The following P4HA3 variants were observed in gnomAD, a reference collection of about 807,000 sequenced individuals.
P4HA3 encodes prolyl 4-hydroxylase subunit alpha 3.
A neutral mutation model predicts 66.7 loss-of-function variants in P4HA3; 60 were observed. That is an observed-to-expected ratio of 0.90 (90% confidence interval 0.73 to 1.12). The LOEUF (loss-of-function observed/expected upper bound fraction) is 1.12, where lower values mean the gene tolerates loss of function less well. Among genes scored for constraint, P4HA3 ranks in the 50% most tolerant of loss-of-function variants. P4HA3 has a pLI of 0.00. For synonymous variants in P4HA3, 263 were observed against 274.6 expected, an observed-to-expected ratio of 0.96 and a Z score of 0.42; for missense variants, 683 against 685.8, an observed-to-expected ratio of 1.00 and a Z score of 0.05.
chr11:74,296,752 T>A (rs766205075), intron 4 of P4HA3, among the ~76,000 whole-genome samples: 2 of 152,250 alleles, frequency 1.3e-5, no homozygotes, highest in African/African-American at 4.8e-5. Context: ...TCTTTCAGGG[T>A]AAGCTGCTTT....
intron 1 of P4HA3, among the ~76,000 whole-genome samples, chr11:74,309,105 T>C (rs1336459602): frequency 6.6e-6 from 1 of 152,186 alleles, no homozygotes; most frequent in Non-Finnish European, 1.5e-5. Flanking sequence ...AGGGATAACA[T>C]AGCATAGTAG....
At chr11:74,265,615 T>A (rs1040010837), downstream of P4HA3, among the ~76,000 whole-genome samples, 1 of 152,232 alleles carries the variant, frequency 6.6e-6, no homozygotes, top group African/African-American at 2.4e-5. Context: ...TAGCCCCTGC[T>A]AGACCTACTG....
downstream of P4HA3, among the ~76,000 whole-genome samples, chr11:74,265,069 A>T (rs551042910): frequency 6.6e-6 from 1 of 152,194 alleles, no homozygotes; most frequent in African/African-American, 2.4e-5. Context: ...ATTGACCTCA[A>T]AGGGTTGGAA....
At chr11:74,288,986 T>C (rs1049222139) in intron 5 of P4HA3, 93 bp downstream of exon 5, 8 of 791,942 alleles carry the variant, frequency 1.0e-5, no homozygotes, top group Non-Finnish European at 1.5e-5. Flanking sequence ...GATAGATAGC[T>C]GTATTTCTCT....
intron 2 of P4HA3, 129 bp downstream of exon 2, chr11:74,304,141 T>A: frequency 8.3e-7 from 1 of 1,208,724 alleles, no homozygotes; most frequent in Non-Finnish European, 1.2e-6. Flanking sequence ...TAGCTAGAGC[T>A]AAGGATATTA....
At chr11:74,287,819 C>A (rs1438296448) in intron 5 of P4HA3, among the ~76,000 whole-genome samples, 1 of 152,080 alleles carries the variant, frequency 6.6e-6, no homozygotes, top group East Asian at 1.9e-4. Flanking sequence ...GAGTTTGAGA[C>A]CAGCCTGGCC....
chr11:74,285,941 GGTCTCA>G lies in P4HA3; in HGVS notation c.972_977del (p.Glu325_Thr326del), dbSNP rs749284438. ...GGAGCAGCAGGTAGGCGTTGGAATT[GGTCTCA>G]TAGGAACAGTAGAGGCTAGGGATCT... On this transcript the variant is annotated inframe_deletion, in exon 7 of 13. Transcript: ENST00000331597. 6 of 1,610,922 alleles carry G rather than the reference GGTCTCA, an allele frequency of 3.7e-6. No individual in the cohort carries two copies. The South Asian group carries it at 6.6e-5, about 18-fold the overall frequency.
chr11:74,302,720 G>A, intron 2 of P4HA3, 128 bp from the exon 3 acceptor site: 1 of 853,114 alleles, frequency 1.2e-6, no homozygotes, highest in Non-Finnish European at 1.8e-6. Context: ...TGTGTTCCCA[G>A]AGGCAAGCAC....
intron 7 of P4HA3, among the ~76,000 whole-genome samples, chr11:74,284,857 T>C (rs1860733595): frequency 6.6e-6 from 1 of 152,154 alleles, no homozygotes; most frequent in Non-Finnish European, 1.5e-5. Flanking sequence ...TCCTAGTCAC[T>C]GTCCCTTTCC....
intron 3 of P4HA3, among the ~76,000 whole-genome samples, chr11:74,300,277 C>T (rs1861364747): frequency 6.6e-6 from 1 of 152,242 alleles, no homozygotes; most frequent in South Asian, 2.1e-4. Flanking sequence ...AGGAAATAAT[C>T]CATCATGAGC....
At chr11:74,278,126 C>G (rs1344085992) in intron 8 of P4HA3, among the ~76,000 whole-genome samples, 1 of 152,150 alleles carries the variant, frequency 6.6e-6, no homozygotes, top group African/African-American at 2.4e-5. Context: ...CTGGGAAGCA[C>G]AGAGGAAGGA....
At chr11:74,252,339 C>T (rs1040430321) in intron 15 of P4HA3, 201 of 418,884 alleles carry the variant, frequency 4.8e-4, no homozygotes, top group Admixed American at 7.8e-4. Context: ...CCACCCGCAT[C>T]GGCCTCCTAA....
At chr11:74,255,408 G>A (rs747124514) in intron 15 of P4HA3, among the ~76,000 whole-genome samples, 19 of 152,246 alleles carry the variant, frequency 1.2e-4, no homozygotes, top group South Asian at 2.1e-4. Context: ...CCCCTGGGTG[G>A]TCCTCCACAC....
At chr11:74,273,419 G>A (rs538202691) in intron 10 of P4HA3, 126 bp downstream of exon 10, 23 of 814,328 alleles carry the variant, frequency 2.8e-5, no homozygotes, top group South Asian at 2.4e-4. Context: ...TCTGAAATTC[G>A]CAAAATTCCT....
At chr11:74,308,683 GT>G (rs1023156023) in intron 1 of P4HA3, among the ~76,000 whole-genome samples, 1 of 150,024 alleles carries the variant, frequency 6.7e-6, no homozygotes, top group African/African-American at 2.5e-5. Flanking sequence ...TTTCTGATTT[GT>G]TTTTTTATCT....
intron 3 of P4HA3, among the ~76,000 whole-genome samples, chr11:74,300,520 G>A (rs113654831): frequency 1.4e-4 from 21 of 152,298 alleles, no homozygotes; most frequent in Non-Finnish European, 2.4e-4. Context: ...TCGGGAGGCT[G>A]AGGTGGGAGG....
chr11:74,278,316 G>A (rs551044432), intron 8 of P4HA3, among the ~76,000 whole-genome samples: 64 of 152,282 alleles, frequency 4.2e-4, no homozygotes, highest in Admixed American at 9.8e-4. Flanking sequence ...AAGAAGTAAC[G>A]GGAGATACAG....
chr11:74,271,262 GAAC>G (rs2135706900), intron 10 of P4HA3, among the ~76,000 whole-genome samples: 1 of 152,302 alleles, frequency 6.6e-6, no homozygotes, highest in African/African-American at 2.4e-5. Context: ...AAGCCGATGA[GAAC>G]AACAATTGGC....
chr11:74,273,842 A>T (rs1860294395), intron 9 of P4HA3, among the ~76,000 whole-genome samples: 1 of 152,088 alleles, frequency 6.6e-6, no homozygotes. Context: ...ACCAAACAGA[A>T]CTACTTGTCA....
Sources: allele counts gnomAD v4.1 joint callset (sites outside exome capture counted in the v4.1 genomes callset), GRCh38; gene constraint gnomAD v4.1.1; transcripts MANE v1.5; gene names NCBI Gene and HGNC (gene_info 2026-07-23, HGNC 2026-07-21).